Variants in RNF17 observed in about 807,000 individuals in gnomAD.
RNF17 encodes the protein spermatogenesis associated 23.
Under a neutral mutation model 200.5 loss-of-function variants are expected in RNF17, and 31 were observed. That is an observed-to-expected ratio of 0.15 (90% CI 0.12 to 0.21). The LOEUF is 0.21. RNF17 is among the 10% of genes least tolerant of loss of function. RNF17 has a pLI of 1.00. For synonymous variants in RNF17, 606 were observed against 637.8 expected (o/e 0.95, Z 0.75); for missense variants, 1,628 against 1,905.1 (o/e 0.85, Z 2.71).
intron 18 of RNF17, among the ~76,000 whole-genome samples, chr13:24,836,151 C>T (rs191622987): frequency 1.3e-5 from 2 of 152,268 alleles, no homozygotes; most frequent in Admixed American, 6.5e-5. Context: ...TCTGGGATTA[C>T]GTTAAACGAC....
intron 14 of RNF17, chr13:24,803,630 A>T (rs529902924): frequency 6.6e-6 from 1 of 152,444 alleles, no homozygotes; most frequent in South Asian, 2.1e-4. Context: ...GTAGTCAAAG[A>T]TTCTAATTTT....
At chr13:24,752,334 G>C in the RNF17 span, among the ~76,000 whole-genome samples, 6 of 152,216 alleles carry the variant, frequency 3.9e-5, no homozygotes, top group African/African-American at 1.4e-4. Flanking sequence ...CAGCAGCCCT[G>C]TCCATCCACA....
chr13:24,840,180 A>G (rs767856960), intron 18 of RNF17, among the ~76,000 whole-genome samples: 13 of 152,228 alleles, frequency 8.5e-5, no homozygotes, highest in South Asian at 2.1e-4. Context: ...ATGCGATGCC[A>G]CCTCCTCACT....
At chr13:24,860,311 T>A (rs1892967478) in intron 26 of RNF17, among the ~76,000 whole-genome samples, 1 of 152,134 alleles carries the variant, frequency 6.6e-6, no homozygotes, top group Admixed American at 6.5e-5. Context: ...TCTCATGCTG[T>A]CCAAATATCT....
chr13:24,816,955 C>T (rs1312929278), intron 15 of RNF17, among the ~76,000 whole-genome samples: 3 of 152,136 alleles, frequency 2.0e-5, no homozygotes, highest in Non-Finnish European at 4.4e-5. Context: ...AGTTCCTGGC[C>T]ACTCTCCAGA....
At chr13:24,868,986 CG>C (rs1377638415) in intron 31 of RNF17, among the ~76,000 whole-genome samples, 2 of 152,142 alleles carry the variant, frequency 1.3e-5, no homozygotes, top group Non-Finnish European at 2.9e-5. Flanking sequence ...AAGGTGGAAC[CG>C]TTTCTACCTA....
At chr13:24,778,556 C>A in intron 4 of RNF17, 150 bp downstream of exon 4, 1 of 647,532 alleles carries the variant, frequency 1.5e-6, no homozygotes, top group Non-Finnish European at 2.7e-6. Context: ...CTCTTTTGTT[C>A]TATGCTTAGA....
At chr13:24,814,059 T>G (rs1887095875) in intron 15 of RNF17, among the ~76,000 whole-genome samples, 1 of 152,184 alleles carries the variant, frequency 6.6e-6, no homozygotes, top group South Asian at 2.1e-4. Flanking sequence ...ATATTTTGTA[T>G]ATGTATTCAA....
chr13:24,828,966 G>A (rs1199396453), intron 16 of RNF17, among the ~76,000 whole-genome samples: 1 of 151,172 alleles, frequency 6.6e-6, no homozygotes, highest in African/African-American at 2.5e-5. Flanking sequence ...TTGCCACCAC[G>A]CCTGGCTAAT....
intron 32 of RNF17, among the ~76,000 whole-genome samples, chr13:24,871,939 AT>A (rs35435865): frequency 0.27 from 32,278 of 118,860 alleles, 4,215 homozygotes; most frequent in Middle Eastern, 0.35. Flanking sequence ...CCCAGATGAG[AT>A]TCTTGTTTTA....
At chr13:24,765,346 C>T (rs1447632888) in intron 1 of RNF17, among the ~76,000 whole-genome samples, 4 of 152,184 alleles carry the variant, frequency 2.6e-5, no homozygotes, top group Non-Finnish European at 5.9e-5. Flanking sequence ...ACTTAAAATA[C>T]CTTAGTGTGC....
rs1278051582 is a variant in RNF17 at position 24,826,038 on chromosome 13, A to C, written c.2245+266A>C. The C allele has an allele frequency of 1.1e-5, 11 of 984,416 alleles. No individual in the cohort carries two copies. The East Asian group carries it at 1.1e-3, about 101-fold the overall frequency. 61.0% of individuals were successfully genotyped at this position (984,416 alleles called of 1,614,324 possible). On this transcript the variant is annotated intron_variant, in intron 16 of 35. Transcript: ENST00000255324. ...AGCAACAGAAATTAATTATTCAAAA[A>C]CCGGTGAACTCTAGTTTGATGTTGA...
chr13:24,858,100 C>T (rs1391317394), intron 25 of RNF17, among the ~76,000 whole-genome samples: 1 of 152,082 alleles, frequency 6.6e-6, no homozygotes, highest in African/African-American at 2.4e-5. Flanking sequence ...ACTCATAGGG[C>T]TTAGTGTCAT....
At chr13:24,771,806 A>G (rs1221424622) in intron 2 of RNF17, among the ~76,000 whole-genome samples, 2 of 151,972 alleles carry the variant, frequency 1.3e-5, no homozygotes, top group Non-Finnish European at 2.9e-5. Context: ...GGGAGTCGAG[A>G]CCAGTCTGAC....
chr13:24,798,006 C>T (rs898036214), intron 11 of RNF17, among the ~76,000 whole-genome samples: 4 of 152,132 alleles, frequency 2.6e-5, no homozygotes, highest in African/African-American at 2.4e-5. Flanking sequence ...GTACTCCTTA[C>T]AATTCTCACT....
chr13:24,770,326 C>G (rs546463752), intron 2 of RNF17, among the ~76,000 whole-genome samples: 1 of 152,162 alleles, frequency 6.6e-6, no homozygotes, highest in South Asian at 2.1e-4. Flanking sequence ...ATTTAAATGA[C>G]AAGCTATAGG....
the RNF17 span, among the ~76,000 whole-genome samples, chr13:24,758,135 A>G: frequency 2.0e-5 from 3 of 152,188 alleles, no homozygotes. Flanking sequence ...TGAGCCAATT[A>G]AACCTCTTTT....
At chr13:24,815,926 C>T (rs1005059556) in intron 15 of RNF17, among the ~76,000 whole-genome samples, 4 of 151,998 alleles carry the variant, frequency 2.6e-5, no homozygotes, top group African/African-American at 9.7e-5. Context: ...ACAGGGTCTC[C>T]CTCAGTTGCC....
intron 17 of RNF17, among the ~76,000 whole-genome samples, chr13:24,830,993 A>T (rs555325900): frequency 6.6e-6 from 1 of 152,328 alleles, no homozygotes; most frequent in Admixed American, 6.5e-5. Flanking sequence ...TATGTAAAAA[A>T]CTGAACCTTG....
Sources: gnomAD v4.1 joint callset for allele counts (sites outside exome capture counted in the v4.1 genomes callset) on GRCh38, gnomAD v4.1.1 for gene constraint, MANE v1.5 for transcripts, NCBI Gene and HGNC (gene_info 2026-07-23, HGNC 2026-07-21) for gene names.